The following KIAA0825 variants were observed in gnomAD, a reference collection of about 807,000 sequenced individuals.
The protein encoded by KIAA0825 is KIAA0825.
A neutral mutation model predicts 147.6 loss-of-function variants in KIAA0825; 119 were observed. That is an observed-to-expected ratio of 0.81 (90% CI 0.69 to 0.94). The LOEUF is 0.94. Ranked by LOEUF, KIAA0825 falls within the 40% of genes least tolerant of loss-of-function variation. The probability of loss-of-function intolerance (pLI) is 0.00; values close to 1 mark genes in which losing one functional copy is unlikely to be tolerated. For missense variants in KIAA0825, 1,381 were observed against 1,472.7 expected (o/e 0.94, Z 1.02); for synonymous variants, 470 against 518.1 (o/e 0.91, Z 1.26).
chr5:94,576,288 C>G (rs2152341944), intron 2 of KIAA0825, among the ~76,000 whole-genome samples: 1 of 152,238 alleles, frequency 6.6e-6, no homozygotes, highest in Non-Finnish European at 1.5e-5. Context: ...TTTGTCCCCT[C>G]CAACACTGAT....
chr5:94,302,464 C>T (rs1359735454), intron 20 of KIAA0825, among the ~76,000 whole-genome samples: 2 of 152,192 alleles, frequency 1.3e-5, no homozygotes, highest in East Asian at 1.9e-4. Flanking sequence ...GATGACAGTA[C>T]ATCAATTCAA....
chr5:94,595,744 C>A (rs1375374659), intron 1 of KIAA0825, among the ~76,000 whole-genome samples: 1 of 152,162 alleles, frequency 6.6e-6, no homozygotes, highest in Non-Finnish European at 1.5e-5. Context: ...CAATTCCAAA[C>A]CATCTTTCTG....
intron 6 of KIAA0825, among the ~76,000 whole-genome samples, chr5:94,480,148 T>C (rs1762336389): frequency 6.6e-6 from 1 of 152,084 alleles, no homozygotes; most frequent in African/African-American, 2.4e-5. Flanking sequence ...ATTTGCCATA[T>C]AATGTTTTGT....
chr5:94,502,466 T>C (rs942545905), intron 5 of KIAA0825, among the ~76,000 whole-genome samples: 5 of 152,160 alleles, frequency 3.3e-5, no homozygotes, highest in African/African-American at 1.2e-4. Flanking sequence ...TGACAATATG[T>C]CTAGTTTGAT....
At chr5:94,241,982 C>T (rs1477515095) in intron 20 of KIAA0825, among the ~76,000 whole-genome samples, 1 of 152,106 alleles carries the variant, frequency 6.6e-6, no homozygotes, top group Non-Finnish European at 1.5e-5. Flanking sequence ...CTCATTCTTC[C>T]TTTTTAAAGC....
At chr5:94,187,676 C>T (rs1169565144) in intron 20 of KIAA0825, among the ~76,000 whole-genome samples, 5 of 151,990 alleles carry the variant, frequency 3.3e-5, no homozygotes, top group East Asian at 1.9e-4. Flanking sequence ...CCGCCCACCT[C>T]GGCCTCCCAA....
At chr5:94,388,178 G>A (rs1404903336) in intron 18 of KIAA0825, among the ~76,000 whole-genome samples, 1 of 152,062 alleles carries the variant, frequency 6.6e-6, no homozygotes, top group African/African-American at 2.4e-5. Flanking sequence ...TCCCTCAAAT[G>A]TGCAGTTCAC....
chr5:94,320,019 G>T (rs1780015153), intron 20 of KIAA0825, among the ~76,000 whole-genome samples: 1 of 151,972 alleles, frequency 6.6e-6, no homozygotes, highest in Non-Finnish European at 1.5e-5. Context: ...AATAGCATAT[G>T]CTGTTCCCTA....
At position 94,315,628 on chromosome 5, in the gene KIAA0825, T is replaced by C. The variant is rs896558734; in HGVS notation, c.3710+68740A>G. 2.2e-4 allele frequency among the ~76,000 whole-genome samples: 34 copies of C among 151,706 alleles called. No individual in the cohort carries two copies. The Admixed American group carries it at 2.2e-3, about 10-fold the overall frequency. The stretch of plus-strand genomic sequence containing the variant: ...CAAGGAAAAAATAAAAATAAGTACT[T>C]CATTATGTGACATAAATTGTAGTTA... On this transcript the variant is annotated intron_variant, in intron 20 of 20. Transcript: ENST00000682413.
chr5:94,349,215 G>A (rs914467381), intron 20 of KIAA0825, among the ~76,000 whole-genome samples: 1 of 152,152 alleles, frequency 6.6e-6, no homozygotes, highest in Non-Finnish European at 1.5e-5. Flanking sequence ...ATTATGTAAT[G>A]GTAAAAGGCC....
At chr5:94,456,696 T>G (rs934590234) in intron 12 of KIAA0825, among the ~76,000 whole-genome samples, 1 of 152,154 alleles carries the variant, frequency 6.6e-6, no homozygotes, top group African/African-American at 2.4e-5. Flanking sequence ...AGTATGAAGA[T>G]TAAGTGTAAT....
At chr5:94,307,389 T>C (rs1778811974) in intron 20 of KIAA0825, among the ~76,000 whole-genome samples, 1 of 151,714 alleles carries the variant, frequency 6.6e-6, no homozygotes, top group Admixed American at 6.6e-5. Context: ...TCAATTGTTA[T>C]GGTTTTATAA....
At chr5:94,356,184 G>C (rs544850539) in intron 20 of KIAA0825, among the ~76,000 whole-genome samples, 1 of 152,270 alleles carries the variant, frequency 6.6e-6, no homozygotes, top group African/African-American at 2.4e-5. Flanking sequence ...TTAATAAGAT[G>C]AACCTTCACT....
At chr5:94,545,694 G>A (rs1005337251) in intron 2 of KIAA0825, among the ~76,000 whole-genome samples, 1 of 152,170 alleles carries the variant, frequency 6.6e-6, no homozygotes, top group African/African-American at 2.4e-5. Context: ...CTTGATCCCT[G>A]GATAACTAAC....
intron 3 of KIAA0825, among the ~76,000 whole-genome samples, chr5:94,526,873 G>A (rs747336221): frequency 6.6e-6 from 1 of 152,004 alleles, no homozygotes; most frequent in Non-Finnish European, 1.5e-5. Context: ...AGTAAGACTT[G>A]ATAAGGAGTG....
At chr5:94,444,682 A>G (rs953130622) in intron 13 of KIAA0825, among the ~76,000 whole-genome samples, 5 of 152,136 alleles carry the variant, frequency 3.3e-5, no homozygotes, top group Non-Finnish European at 5.9e-5. Context: ...AAATATCTGC[A>G]GCAGGGGGTA....
intron 20 of KIAA0825, among the ~76,000 whole-genome samples, chr5:94,223,447 C>T (rs1773845299): frequency 1.3e-5 from 2 of 152,140 alleles, no homozygotes; most frequent in Admixed American, 1.3e-4. Flanking sequence ...ATGGTCTTTG[C>T]AGAACAGAAA....
chr5:94,605,640 A>G (rs1787362325), intron 1 of KIAA0825, among the ~76,000 whole-genome samples: 1 of 152,194 alleles, frequency 6.6e-6, no homozygotes, highest in South Asian at 2.1e-4. Context: ...TGATTCACCA[A>G]ATAAACAGAT....
chr5:94,585,750 C>G (rs906696930), intron 1 of KIAA0825, among the ~76,000 whole-genome samples: 2 of 152,172 alleles, frequency 1.3e-5, no homozygotes, highest in Non-Finnish European at 1.5e-5. Context: ...CTTCTCAGCA[C>G]CACGTCGCAC....
Sources: gnomAD v4.1 joint callset for allele counts (sites outside exome capture counted in the v4.1 genomes callset) on GRCh38, gnomAD v4.1.1 for gene constraint, MANE v1.5 for transcripts, NCBI Gene and HGNC (gene_info 2026-07-23, HGNC 2026-07-21) for gene names.